CSMD3: variants seen among roughly 807,000 people sequenced by gnomAD.
CSMD3 encodes CUB and Sushi multiple domains 3, also known as CUB and sushi domain-containing protein 3.
Under a neutral mutation model 435.2 loss-of-function variants are expected in CSMD3, and 177 were observed. The ratio of observed to expected loss-of-function variants is 0.41; its 90% confidence interval spans 0.36 to 0.46. The LOEUF (loss-of-function observed/expected upper bound fraction) is 0.46, where lower values mean the gene tolerates loss of function less well. Among genes scored for constraint, CSMD3 ranks in the 20% least tolerant of loss-of-function variants. The pLI, the probability that CSMD3 is intolerant of heterozygous loss-of-function variation, is 0.34. For missense variants in CSMD3, 4,265 were observed against 4,504.6 expected, an observed-to-expected ratio of 0.95 and a Z score of 1.52; for synonymous variants, 1,656 against 1,520.5, an observed-to-expected ratio of 1.09 and a Z score of -2.07.
intron 58 of CSMD3, among the ~76,000 whole-genome samples, chr8:112,283,043 A>C (rs1016141341): frequency 2.6e-5 from 4 of 152,074 alleles, no homozygotes; most frequent in Non-Finnish European, 4.4e-5. Context: ...TCTCACAAAA[A>C]TGTTCTGAGT....
intron 6 of CSMD3, among the ~76,000 whole-genome samples, chr8:113,014,646 T>G (rs1181202301): frequency 6.6e-6 from 1 of 152,118 alleles, no homozygotes; most frequent in Non-Finnish European, 1.5e-5. Flanking sequence ...TCTGAAGTCC[T>G]GAAATATTAC....
At chr8:113,436,415 A>G (rs1053156735) in intron 1 of CSMD3, among the ~76,000 whole-genome samples, 10 of 152,228 alleles carry the variant, frequency 6.6e-5, no homozygotes, top group African/African-American at 1.9e-4. Context: ...GTTAGAGGCT[A>G]TACTAACCAA....
At chr8:112,991,333 T>G (rs1425330389) in intron 6 of CSMD3, among the ~76,000 whole-genome samples, 2 of 151,674 alleles carry the variant, frequency 1.3e-5, no homozygotes, top group Non-Finnish European at 2.9e-5. Context: ...GCTAGGAGAT[T>G]GGGAAGGATT....
At chr8:112,612,709 CTTTTTTTTTTTT>C (rs532290154) in intron 22 of CSMD3, among the ~76,000 whole-genome samples, 4 of 65,888 alleles carry the variant, frequency 6.1e-5, no homozygotes, top group Non-Finnish European at 8.3e-5. Context: ...TTTCTTTGTT[CTTTTTTTTTTTT>C]TTTTTTTTTT....
At position 113,237,805 on chromosome 8, in the gene CSMD3, G is replaced by A. The variant is rs150495020; in HGVS notation, c.514+40787C>T. ...TCAAAGGGAGTTCTGGGCCGGGAGC[G>A]ATAGCTCATGCCTGTAATCCCAGCA... is the stretch of plus-strand genomic sequence containing the variant. On this transcript the variant is annotated intron_variant, in intron 3 of 70. Coordinates refer to ENST00000297405, the MANE Select transcript of CSMD3 (RefSeq NM_198123.2). Among the ~76,000 whole-genome samples the A allele has an allele frequency of 3.1e-3, 474 of 152,234 alleles. 2 individuals carry two copies. Among genetic ancestry groups the A allele is most frequent in the African/African-American group, 9.6e-3 (398 of 41,568 alleles).
intron 10 of CSMD3, among the ~76,000 whole-genome samples, chr8:112,895,481 CAT>C (rs1487902442): frequency 6.6e-6 from 1 of 151,172 alleles, no homozygotes; most frequent in Admixed American, 6.6e-5. Flanking sequence ...AAAATGATCA[CAT>C]GTGCAGAATA....
At chr8:112,229,532 G>C (rs908439461) in intron 69 of CSMD3, among the ~76,000 whole-genome samples, 1 of 151,998 alleles carries the variant, frequency 6.6e-6, no homozygotes, top group African/African-American at 2.4e-5. Context: ...CGGCTCAAGC[G>C]ATCTTCCTGC....
chr8:113,107,757 A>G (rs2090524134), intron 4 of CSMD3, among the ~76,000 whole-genome samples: 1 of 152,304 alleles, frequency 6.6e-6, no homozygotes, highest in South Asian at 2.1e-4. Flanking sequence ...TTCAATGGCT[A>G]TATGTTTATG....
intron 5 of CSMD3, among the ~76,000 whole-genome samples, chr8:113,050,923 T>A (rs2088059862): frequency 6.6e-6 from 1 of 152,114 alleles, no homozygotes; most frequent in Non-Finnish European, 1.5e-5. Flanking sequence ...TTTACAGCAA[T>A]TTAAAATTCT....
chr8:112,501,458 T>C (rs1443588231), intron 30 of CSMD3, among the ~76,000 whole-genome samples: 2 of 149,602 alleles, frequency 1.3e-5, no homozygotes, highest in African/African-American at 4.9e-5. Context: ...CTCAACTTAA[T>C]AGTAATAAGG....
At chr8:112,947,664 A>T (rs1236586221) in intron 9 of CSMD3, 126 bp downstream of exon 9, 1 of 579,762 alleles carries the variant, frequency 1.7e-6, no homozygotes, top group East Asian at 2.9e-5. Flanking sequence ...ATTAATAACA[A>T]TACATTGATA....
rs1168031091 is a variant in CSMD3 at position 112,548,713 on chromosome 8, T to C, written c.4564+1958A>G. ...AAAGAATATTTTCCCATTTCAAATC[T>C]GAACACTTGAAAAGCTGTGTAAGCA... On this transcript the variant is annotated intron_variant, in intron 27 of 70. Transcript: ENST00000297405. Among the ~76,000 whole-genome samples, 3 of 152,232 alleles carry C rather than the reference T, an allele frequency of 2.0e-5. No homozygotes were observed. In the East Asian group the frequency reaches 5.8e-4, roughly 29 times the overall value.
chr8:112,604,375 G>A (rs974044609), intron 22 of CSMD3, among the ~76,000 whole-genome samples: 1 of 151,236 alleles, frequency 6.6e-6, no homozygotes, highest in African/African-American at 2.4e-5. Flanking sequence ...TTGATAGTTT[G>A]ATAGGAATAG....
intron 1 of CSMD3, among the ~76,000 whole-genome samples, chr8:113,379,057 T>C (rs7842427): frequency 6.6e-6 from 1 of 152,114 alleles, no homozygotes; most frequent in African/African-American, 2.4e-5. Context: ...AGTGAGATAC[T>C]AATAACACTT....
In CSMD3 at chr8:112,329,601, C is replaced by T. The variant is rs368651918; in HGVS notation, c.7165+5728G>A. 1.5e-3 allele frequency among the ~76,000 whole-genome samples: 230 copies of T among 152,196 alleles called. 6 individuals are homozygous for T. The South Asian group carries it at 0.046, about 30-fold the overall frequency. ...CACTTTTGCTGAGATCACAGAGTCC[C>T]TCATCATATGTTGTCTCACTCATTA... is the stretch of plus-strand genomic sequence containing the variant. On this transcript the variant is annotated intron_variant, in intron 45 of 70. Transcript: ENST00000297405.
At chr8:112,788,435 C>T (rs2078607684) in intron 13 of CSMD3, among the ~76,000 whole-genome samples, 1 of 152,098 alleles carries the variant, frequency 6.6e-6, no homozygotes, top group African/African-American at 2.4e-5. Flanking sequence ...TATGCTGCCC[C>T]AGTTCCCACC....
chr8:112,951,347 TGTAA>T (rs1230923719), intron 8 of CSMD3, among the ~76,000 whole-genome samples: 12 of 151,840 alleles, frequency 7.9e-5, no homozygotes, highest in African/African-American at 2.9e-4. Context: ...ACATGAATAG[TGTAA>T]GTATGATTTC....
chr8:112,376,301 G>A lies in CSMD3; in HGVS notation c.6136+4051C>T, dbSNP rs78682167. On this transcript the variant is annotated intron_variant, in intron 38 of 70. Transcript: ENST00000297405. ...ATGTCGAGCATAGTGCCTGACATAT[G>A]GTAGGTGTTCAAAATATTTGCTGGT... Among the ~76,000 whole-genome samples, 43 of 152,200 alleles carry A rather than the reference G, an allele frequency of 2.8e-4. No homozygotes were observed. In the East Asian group the frequency reaches 7.7e-3, roughly 27 times the overall value.
At chr8:112,660,314 T>C (rs1412751330) in intron 17 of CSMD3, among the ~76,000 whole-genome samples, 1 of 152,190 alleles carries the variant, frequency 6.6e-6, no homozygotes, top group South Asian at 2.1e-4. Flanking sequence ...GGCATATTTA[T>C]GTCTGATTTC....
Sources: gnomAD v4.1 joint callset for allele counts (sites outside exome capture counted in the v4.1 genomes callset) on GRCh38, gnomAD v4.1.1 for gene constraint, MANE v1.5 for transcripts, NCBI Gene and HGNC (gene_info 2026-07-23, HGNC 2026-07-21) for gene names.